LMTK2: variants seen among roughly 807,000 people sequenced by gnomAD.
The protein encoded by LMTK2 is lemur tail kinase 2.
In LMTK2, 37 loss-of-function variants were observed where a neutral mutation model predicts 127.5. That is an observed-to-expected ratio of 0.29 (90% CI 0.22 to 0.38). The LOEUF (loss-of-function observed/expected upper bound fraction) is 0.38, where lower values mean the gene tolerates loss of function less well. Ranked by LOEUF, LMTK2 falls within the 10% of genes least tolerant of loss-of-function variation. The probability of loss-of-function intolerance (pLI) is 1.00; values close to 1 mark genes in which losing one functional copy is unlikely to be tolerated. For synonymous variants in LMTK2, 819 were observed against 810.1 expected (o/e 1.01, Z -0.19); for missense variants, 1,694 against 1,920.3 (o/e 0.88, Z 2.20).
chr7:98,209,610 T>C lies in LMTK2; in HGVS notation c.*4118T>C, dbSNP rs547630557. On this transcript the variant is annotated 3_prime_UTR_variant, in exon 14 of 14. Transcript: ENST00000297293. ...TTTAAAAACTATTTAATATTCAAAA[T>C]AAATATAGTTATATATTTATAAACT... is the stretch of plus-strand genomic sequence containing the variant. 1.2e-4 allele frequency: 19 copies of C among 152,362 alleles called. No homozygotes were observed. The highest frequency in any genetic ancestry group is 4.6e-4 in the African/African-American group (19 of 41,584). 9.4% of individuals were successfully genotyped at this position (152,362 alleles called of 1,614,324 possible).
chr7:98,142,296 G>A (rs56088922), intron 3 of LMTK2, among the ~76,000 whole-genome samples: 33,077 of 152,040 alleles, frequency 0.22, 3,776 homozygotes, highest in South Asian at 0.38. Context: ...ATAAACCCCC[G>A]AACTGATGCC....
At chr7:98,179,112 C>A (rs1797314912) in intron 7 of LMTK2, among the ~76,000 whole-genome samples, 1 of 152,240 alleles carries the variant, frequency 6.6e-6, no homozygotes, top group Non-Finnish European at 1.5e-5. Flanking sequence ...ACACCAGTTG[C>A]TTGCTTTCGA....
intron 1 of LMTK2, among the ~76,000 whole-genome samples, chr7:98,116,239 C>T (rs975744059): frequency 2.6e-5 from 4 of 152,186 alleles, no homozygotes; most frequent in East Asian, 1.9e-4. Context: ...TTGCAAGGAC[C>T]GTGTCTTATA....
intron 7 of LMTK2, among the ~76,000 whole-genome samples, chr7:98,179,291 A>G (rs1453995063): frequency 6.6e-6 from 1 of 152,232 alleles, no homozygotes; most frequent in African/African-American, 2.4e-5. Flanking sequence ...TGAGCTCGAC[A>G]TCGCCCAAGC....
chr7:98,120,846 T>A (rs559262887), intron 1 of LMTK2, among the ~76,000 whole-genome samples: 2 of 152,136 alleles, frequency 1.3e-5, no homozygotes, highest in South Asian at 4.2e-4. Context: ...AATAACCAAC[T>A]TACCAAAATA....
intron 1 of LMTK2, among the ~76,000 whole-genome samples, chr7:98,123,340 T>C (rs1796395012): frequency 6.6e-6 from 1 of 152,210 alleles, no homozygotes; most frequent in African/African-American, 2.4e-5. Flanking sequence ...ACAGACATTG[T>C]TTACAACTGA....
At chr7:98,189,257 A>G (rs1460515464) in intron 9 of LMTK2, among the ~76,000 whole-genome samples, 4 of 152,050 alleles carry the variant, frequency 2.6e-5, no homozygotes, top group Non-Finnish European at 5.9e-5. Context: ...TGGAAGAGAA[A>G]GTTGCTCCTG....
At chr7:98,180,570 A>G (rs1408480397) in intron 7 of LMTK2, among the ~76,000 whole-genome samples, 1 of 152,154 alleles carries the variant, frequency 6.6e-6, no homozygotes, top group East Asian at 1.9e-4. Flanking sequence ...AAATTCTATA[A>G]TTGTTCTGTG....
At chr7:98,145,271 G>A (rs1453262275) in intron 3 of LMTK2, among the ~76,000 whole-genome samples, 1 of 30,334 alleles carries the variant, frequency 3.3e-5, no homozygotes, top group African/African-American at 1.3e-4. Context: ...AATCAAAATG[G>A]TACACTAAAA....
Position 98,206,952 on chromosome 7 carries a change from A to T in LMTK2, c.*1460A>T, listed in dbSNP as rs996506795. ...TCATCTCACGGACCCTCCGTTCTGC[A>T]TTAAGCCCCAGGTTCTCTTCTGGCT... On this transcript the variant is annotated 3_prime_UTR_variant, in exon 14 of 14. Transcript: ENST00000297293. 1 of 152,304 alleles carries T rather than the reference A, an allele frequency of 6.6e-6. No homozygotes were observed. The highest frequency in any genetic ancestry group is 1.5e-5 in the Non-Finnish European group (1 of 68,054). 9.4% of individuals were successfully genotyped at this position (152,304 alleles called of 1,614,324 possible).
chr7:98,202,248 TA>T (rs1754230714), intron 11 of LMTK2, among the ~76,000 whole-genome samples: 1 of 152,218 alleles, frequency 6.6e-6, no homozygotes, highest in Non-Finnish European at 1.5e-5. Context: ...TTTTGGTTAT[TA>T]TACTTTTCTT....
At chr7:98,181,052 A>AGT (rs1325265336) in intron 7 of LMTK2, among the ~76,000 whole-genome samples, 1 of 152,184 alleles carries the variant, frequency 6.6e-6, no homozygotes, top group Admixed American at 6.5e-5. Flanking sequence ...TCAAGATAAA[A>AGT]GTGTGGAATG....
rs184843689 is a variant in LMTK2, at chr7:98,193,208, G to T, written c.2743G>T (p.Gly915Trp). The T allele has an allele frequency of 8.1e-6, 13 of 1,613,764 alleles. No homozygotes were observed. In the East Asian group the frequency reaches 2.7e-4, roughly 33 times the overall value. The change falls in exon 11 of 14, where the codon GGG becomes TGG. Residue 915 changes from glycine to tryptophan, a missense_variant. This residue lies in a region of LMTK2 where 527 missense variants were observed against 539.8 expected (regional missense o/e 0.98). Transcript: ENST00000297293. The surrounding 1 kb of genome is among the most constrained non-coding windows in gnomAD (Gnocchi z 4.1). ...DDILASRVSV[G>W]SSLPELGQEL... The stretch of plus-strand genomic sequence containing the variant: ...CATCCTTGCCAGCAGGGTGAGTGTA[G>T]GGAGTAGTCTCCCGGAACTGGGACA...
chr7:98,205,515 G>C lies in LMTK2; in HGVS notation c.*23G>C. Reference sequence around the variant, plus strand: ...TAGGTGGCTGCCAACGCGCACGCTCGGGTCCGAGGCTGCTCCCCTGGAGCG... The same window carrying C: ...TAGGTGGCTGCCAACGCGCACGCTCCGGTCCGAGGCTGCTCCCCTGGAGCG... On this transcript the variant is annotated 3_prime_UTR_variant, in exon 14 of 14. Coordinates refer to ENST00000297293, the MANE Select transcript of LMTK2 (RefSeq NM_014916.4). 3.7e-6 allele frequency: 6 copies of C among 1,611,466 alleles called. No homozygotes were observed. Among genetic ancestry groups the C allele is most frequent in the Non-Finnish European group, 5.1e-6 (6 of 1,179,864 alleles).
chr7:98,136,810 T>C (rs1416011706), intron 1 of LMTK2, among the ~76,000 whole-genome samples: 1 of 152,072 alleles, frequency 6.6e-6, no homozygotes, highest in African/African-American at 2.4e-5. Context: ...TTCCACAAAA[T>C]AACTGACCAG....
At chr7:98,185,644 C>T (rs775652896) in intron 8 of LMTK2, among the ~76,000 whole-genome samples, 5 of 151,966 alleles carry the variant, frequency 3.3e-5, no homozygotes, top group Non-Finnish European at 5.9e-5. Flanking sequence ...TGAGGTAGAG[C>T]GTTCTGGGGC....
At chr7:98,113,221 C>T (rs1399023522) in intron 1 of LMTK2, among the ~76,000 whole-genome samples, 2 of 152,174 alleles carry the variant, frequency 1.3e-5, no homozygotes, top group African/African-American at 4.8e-5. Context: ...TGAATGAGTT[C>T]TCACAAGATC....
intron 6 of LMTK2, among the ~76,000 whole-genome samples, chr7:98,165,429 C>G (rs1314962298): frequency 6.6e-6 from 1 of 152,162 alleles, no homozygotes; most frequent in Non-Finnish European, 1.5e-5. Flanking sequence ...TGCAGAGTTA[C>G]CAGTGCCAAA....
chr7:98,147,129 T>C (rs913831158), intron 3 of LMTK2, among the ~76,000 whole-genome samples: 5 of 152,370 alleles, frequency 3.3e-5, no homozygotes, highest in Middle Eastern at 3.4e-3. Context: ...GAGGATCCCT[T>C]GTACATGATG....
Sources: gnomAD v4.1 joint callset for allele counts (sites outside exome capture counted in the v4.1 genomes callset) on GRCh38, gnomAD v4.1.1 for gene constraint, gnomAD v4.1.1 regional missense constraint, Gnocchi (gnomAD v3.1) non-coding constraint, MANE v1.5 for transcripts, NCBI Gene and HGNC (gene_info 2026-07-23, HGNC 2026-07-21) for gene names.